RPIA: variants seen among roughly 807,000 people sequenced by gnomAD.
RPIA encodes ribose-5-phosphate isomerase.
Under a neutral mutation model 37.8 loss-of-function variants are expected in RPIA, and 29 were observed. That is an observed-to-expected ratio of 0.77 (90% confidence interval 0.57 to 1.05). The LOEUF (loss-of-function observed/expected upper bound fraction) is 1.05. RPIA is among the 50% of genes least tolerant of loss of function. The pLI, the probability that RPIA is intolerant of heterozygous loss-of-function variation, is 0.00. For synonymous variants in RPIA, 167 were observed against 157.0 expected, an observed-to-expected ratio of 1.06 and a Z score of -0.48; for missense variants, 385 against 413.6, an observed-to-expected ratio of 0.93 and a Z score of 0.60.
chr2:88,692,559 G>A (rs756944976), intron 1 of RPIA, among the ~76,000 whole-genome samples: 2 of 152,108 alleles, frequency 1.3e-5, no homozygotes, highest in Non-Finnish European at 2.9e-5. Context: ...ATTTTTTAAG[G>A]CGGGTCTGCA....
chr2:88,709,687 C>G (rs944281166), intron 3 of RPIA, among the ~76,000 whole-genome samples: 1 of 152,276 alleles, frequency 6.6e-6, no homozygotes, highest in African/African-American at 2.4e-5. Context: ...GCCATATCTG[C>G]TTTTTCTTCT....
chr2:88,696,470 A>G (rs1484275346), intron 1 of RPIA, among the ~76,000 whole-genome samples: 1 of 151,152 alleles, frequency 6.6e-6, no homozygotes, highest in Non-Finnish European at 1.5e-5. Flanking sequence ...GTATGAGCCC[A>G]GGAGTTTGAA....
chr2:88,736,600 C>T lies in RPIA; in HGVS notation c.662C>T (p.Ala221Val), dbSNP rs1258577952. The change falls in exon 7 of 9, where the codon GCC becomes GTC. Residue 221 changes from alanine (A) to valine (V), a missense_variant. Ala to Val is a moderately conservative substitution (Grantham distance 64). This residue lies in a region of RPIA where 153 missense variants were observed against 210.6 expected (regional missense o/e 0.73). Transcript: ENST00000283646. ...ATCCCCATCGAGGTCATCCCAATGG[C>T]CTATGTCCCAGTGAGCCGAGCTGTG... is the stretch of plus-strand genomic sequence containing the variant. ...KGIPIEVIPM[A>V]YVPVSRAVSQ... 6.2e-7 allele frequency: 1 copy of T among 1,614,140 alleles called. No individual in the cohort carries two copies. The highest frequency in any genetic ancestry group is 8.5e-7 in the Non-Finnish European group (1 of 1,180,016).
At position 88,698,458 on chromosome 2, in the gene RPIA, G is replaced by GT. The variant is rs368491628; in HGVS notation, c.286-20dup. ...GTAAAATATGATATTAATAAGTTTT[G>GT]TTTTTTCTTCCCCGTTTTTTGGCAG... is the stretch of plus-strand genomic sequence containing the variant. On this transcript the variant is annotated intron_variant, in intron 1 of 8. Coordinates refer to ENST00000283646, the MANE Select transcript of RPIA (RefSeq NM_144563.3). The GT allele has an allele frequency of 3.1e-4, 498 of 1,609,732 alleles. 3 individuals carry two copies. The African/African-American group carries it at 5.8e-3, about 19-fold the overall frequency.
intron 3 of RPIA, among the ~76,000 whole-genome samples, chr2:88,725,898 T>C (rs1157002206): frequency 6.6e-6 from 1 of 152,176 alleles, no homozygotes; most frequent in East Asian, 1.9e-4. Flanking sequence ...AGGCTTAAAG[T>C]GTTCTCTCCT....
At chr2:88,744,519 A>C (rs1215270205) in intron 8 of RPIA, among the ~76,000 whole-genome samples, 1 of 152,226 alleles carries the variant, frequency 6.6e-6, no homozygotes, top group Admixed American at 6.5e-5. Context: ...CATTTGCTCC[A>C]GAGTATAGTT....
Position 88,698,559 on chromosome 2 carries a change from T to C in RPIA, c.346+15T>C. 1 of 1,609,862 alleles carries C rather than the reference T, an allele frequency of 6.2e-7. No individual in the cohort carries two copies. ...GCAGCGAATAGGTATGCTCTCTCAC[T>C]GTCTACTGGATGTTTTGTGTGTGAT... On this transcript the variant is annotated intron_variant, in intron 2 of 8. Coordinates refer to ENST00000283646, the MANE Select transcript of RPIA (RefSeq NM_144563.3).
intron 1 of RPIA, among the ~76,000 whole-genome samples, chr2:88,697,140 A>G (rs1246734762): frequency 6.6e-6 from 1 of 152,252 alleles, no homozygotes; most frequent in Non-Finnish European, 1.5e-5. Context: ...CAGTCGTCAT[A>G]TATCTTAAAG....
intron 3 of RPIA, among the ~76,000 whole-genome samples, chr2:88,718,730 T>C (rs190509684): frequency 9.2e-4 from 140 of 152,340 alleles, no homozygotes; most frequent in Admixed American, 2.0e-3. Flanking sequence ...CAGATTCTTA[T>C]TGCACTTATG....
chr2:88,734,196 A>C (rs1257000060), intron 4 of RPIA, among the ~76,000 whole-genome samples: 2 of 150,168 alleles, frequency 1.3e-5, no homozygotes, highest in African/African-American at 5.0e-5. Context: ...AAGATTTTTT[A>C]TTCCCCCACC....
intron 1 of RPIA, among the ~76,000 whole-genome samples, chr2:88,696,355 T>C (rs1218856756): frequency 6.6e-6 from 1 of 151,940 alleles, no homozygotes; most frequent in African/African-American, 2.4e-5. Flanking sequence ...ACTAGCCTGG[T>C]TGGCAGAGTG....
chr2:88,729,338 G>A lies in RPIA; in HGVS notation c.462+1G>A, dbSNP rs763137724. On this transcript the variant is annotated splice_donor_variant, in intron 4 of 8. Transcript: ENST00000283646. LOFTEE classifies it high-confidence loss of function. ...CAGTGATCTGGATCGACACCCAGAG[G>A]TAAGATTGCCACTCAGAGGCAGACC... The A allele has an allele frequency of 1.2e-6, 2 of 1,614,098 alleles. No homozygotes were observed. The highest frequency in any genetic ancestry group is 2.7e-5 in the African/African-American group (2 of 75,050).
At chr2:88,698,962 G>A (rs1672794392) in intron 2 of RPIA, among the ~76,000 whole-genome samples, 1 of 152,220 alleles carries the variant, frequency 6.6e-6, no homozygotes, top group African/African-American at 2.4e-5. Flanking sequence ...ATTGATGGCT[G>A]GTTCCTGCAG....
At chr2:88,707,994 T>C (rs1303715566) in intron 3 of RPIA, among the ~76,000 whole-genome samples, 2 of 152,200 alleles carry the variant, frequency 1.3e-5, no homozygotes, top group African/African-American at 4.8e-5. Context: ...CTTCTTGATA[T>C]TGAAAAAATG....
At chr2:88,742,676 A>G (rs1274425091) in intron 8 of RPIA, among the ~76,000 whole-genome samples, 3 of 152,060 alleles carry the variant, frequency 2.0e-5, no homozygotes, top group Admixed American at 2.0e-4. Flanking sequence ...CTACCCATCC[A>G]TGAGCATGGG....
At chr2:88,716,038 C>A (rs1023707728) in intron 3 of RPIA, among the ~76,000 whole-genome samples, 11 of 152,116 alleles carry the variant, frequency 7.2e-5, no homozygotes, top group African/African-American at 2.7e-4. Flanking sequence ...CAAGGAACTT[C>A]CTTGTGGACA....
intron 7 of RPIA, 94 bp downstream of exon 7, chr2:88,736,770 C>G: frequency 7.1e-7 from 1 of 1,417,400 alleles, no homozygotes; most frequent in Non-Finnish European, 9.6e-7. Flanking sequence ...ATGTGTGCTT[C>G]CACCAGGCAA....
At chr2:88,699,928 T>C in intron 2 of RPIA, 81 bp from the exon 3 acceptor site, 3 of 1,442,142 alleles carry the variant, frequency 2.1e-6, no homozygotes, top group East Asian at 2.3e-5. Flanking sequence ...CCCTTGTCTG[T>C]TGGTTTCGAG....
At chr2:88,714,208 T>A (rs1673004476) in intron 3 of RPIA, among the ~76,000 whole-genome samples, 1 of 152,058 alleles carries the variant, frequency 6.6e-6, no homozygotes, top group East Asian at 1.9e-4. Flanking sequence ...TTTCACTCTG[T>A]CGCCCAGGAT....
Sources: gnomAD v4.1 joint callset for allele counts (sites outside exome capture counted in the v4.1 genomes callset) on GRCh38, gnomAD v4.1.1 for gene constraint, gnomAD v4.1.1 regional missense constraint, MANE v1.5 for transcripts, NCBI Gene and HGNC (gene_info 2026-07-23, HGNC 2026-07-21) for gene names.